The following BCO2 variants were observed in gnomAD, a reference collection of about 807,000 sequenced individuals.
The protein encoded by BCO2 is beta-carotene oxygenase 2.
A neutral mutation model predicts 65.8 loss-of-function variants in BCO2; 56 were observed. The ratio of observed to expected loss-of-function variants is 0.85; its 90% CI spans 0.69 to 1.06. BCO2 has a LOEUF of 1.06. Ranked by LOEUF, BCO2 falls within the 50% of genes least tolerant of loss-of-function variation. BCO2 has a pLI of 0.00. For synonymous variants in BCO2, 233 were observed against 242.3 expected, an observed-to-expected ratio of 0.96 and a Z score of 0.36; for missense variants, 675 against 698.5, an observed-to-expected ratio of 0.97 and a Z score of 0.38.
At chr11:112,207,936 T>G (rs1859392806) in intron 8 of BCO2, among the ~76,000 whole-genome samples, 1 of 147,980 alleles carries the variant, frequency 6.8e-6, no homozygotes, top group African/African-American at 2.5e-5. Context: ...GCTTTCATTT[T>G]ATGTTAGTGT....
rs780457367 is a variant in BCO2 at position 112,216,301 on chromosome 11, A to G, written c.1597A>G (p.Ile533Val). The G allele has an allele frequency of 4.3e-6, 7 of 1,613,956 alleles. No homozygotes were observed. In the African/African-American group the frequency reaches 9.3e-5, roughly 22 times the overall value. The change falls in exon 11 of 12, where the codon ATT becomes GTT. Residue 533 changes from isoleucine (I) to valine (V), a missense_variant. Ile to Val is a conservative substitution (Grantham distance 29). Coordinates refer to ENST00000357685, the MANE Select transcript of BCO2 (RefSeq NM_031938.7). ...PGTNEEDGGV[I>V]LSVVITPNQN... Reference sequence around the variant, plus strand: ...AACCAATGAAGAAGATGGTGGGGTTATTCTTTCTGTGGTGATCACTCCCAA... The same window carrying G: ...AACCAATGAAGAAGATGGTGGGGTTGTTCTTTCTGTGGTGATCACTCCCAA...
At chr11:112,216,118 A>G in intron 10 of BCO2, 102 bp from the exon 11 acceptor site, 1 of 789,822 alleles carries the variant, frequency 1.3e-6, no homozygotes, top group Non-Finnish European at 2.2e-6. Flanking sequence ...ACACACATCC[A>G]AACTACATCA....
chr11:112,201,383 C>T (rs895234954), intron 7 of BCO2, among the ~76,000 whole-genome samples: 3 of 151,926 alleles, frequency 2.0e-5, no homozygotes, highest in Admixed American at 6.6e-5. Context: ...CTCTTGACCT[C>T]GTGATCCACC....
intron 2 of BCO2, among the ~76,000 whole-genome samples, chr11:112,186,381 T>C (rs1867201311): frequency 6.6e-6 from 1 of 152,018 alleles, no homozygotes; most frequent in Non-Finnish European, 1.5e-5. Flanking sequence ...GAGCCAGTGG[T>C]GGGCATTTAT....
chr11:112,198,905 A>G (rs1434905967), intron 5 of BCO2, among the ~76,000 whole-genome samples: 1 of 149,558 alleles, frequency 6.7e-6, no homozygotes, highest in African/African-American at 2.5e-5. Context: ...TGACCTGTCT[A>G]TTCACCATAC....
At chr11:112,185,572 C>T (rs918809006) in intron 2 of BCO2, among the ~76,000 whole-genome samples, 12 of 152,138 alleles carry the variant, frequency 7.9e-5, no homozygotes, top group African/African-American at 2.7e-4. Flanking sequence ...GTATTTCCTG[C>T]CAGTTTTCCT....
intron 8 of BCO2, among the ~76,000 whole-genome samples, chr11:112,205,730 A>T (rs1220856210): frequency 6.6e-6 from 1 of 151,784 alleles, no homozygotes; most frequent in Non-Finnish European, 1.5e-5. Flanking sequence ...AGTAGCTGGG[A>T]TTACAGGTGC....
rs1463727003 is a variant in BCO2, at chr11:112,217,951, T to C, written c.*77T>C. ...ACATAAAGACTGGAGAAATAAACAC[T>C]GAGGACTCCAAAAGGGGGGCAAGGA... On this transcript the variant is annotated 3_prime_UTR_variant, in exon 12 of 12. Transcript: ENST00000357685. 1 of 1,059,336 alleles carries C rather than the reference T, an allele frequency of 9.4e-7. No individual in the cohort carries two copies. The allele number at this position is 1,059,336 out of a possible 1,614,324, so 65.6% of individuals were successfully genotyped here. A position where few individuals can be genotyped will look rare whatever the true frequency, so the allele number is the denominator to read the frequency against.
intron 8 of BCO2, among the ~76,000 whole-genome samples, chr11:112,208,422 T>TC (rs1859410374): frequency 6.6e-6 from 1 of 151,030 alleles, no homozygotes; most frequent in African/African-American, 2.4e-5. Context: ...TATATTGGCT[T>TC]TTTTTTTTTT....
At chr11:112,196,941 C>T (rs1256976536) in intron 5 of BCO2, among the ~76,000 whole-genome samples, 1 of 149,122 alleles carries the variant, frequency 6.7e-6, no homozygotes, top group African/African-American at 2.5e-5. Flanking sequence ...CCTTCCCTTC[C>T]CTTCCCTTCC....
At chr11:112,197,303 C>A (rs983157890) in intron 5 of BCO2, among the ~76,000 whole-genome samples, 7 of 152,140 alleles carry the variant, frequency 4.6e-5, no homozygotes, top group African/African-American at 1.7e-4. Context: ...AATTCCAGCA[C>A]TTTGGGAGGC....
In BCO2 at chr11:112,194,546, A is replaced by G. The variant is rs1566781133; in HGVS notation, c.634-107A>G. 3.8e-5 allele frequency: 27 copies of G among 704,462 alleles called. No individual in the cohort carries two copies. The South Asian group carries it at 4.4e-4, about 11-fold the overall frequency. 43.6% of individuals were successfully genotyped at this position (704,462 alleles called of 1,614,324 possible). ...TCAGAGGCAAGAAATTAGGGCTTAC[A>G]TTGCAGTTTTCTTATCATATTTTTA... On this transcript the variant is annotated intron_variant, in intron 4 of 11. Transcript: ENST00000357685.
intron 3 of BCO2, 60 bp from the exon 4 acceptor site, chr11:112,193,819 G>A (rs2135369870): frequency 6.9e-7 from 1 of 1,456,492 alleles, no homozygotes; most frequent in Non-Finnish European, 9.6e-7. Context: ...CTTTGAGTGT[G>A]TGCTTAGCGT....
In BCO2 at chr11:112,197,547, C is replaced by CA. The variant is rs67238692; in HGVS notation, c.737-2137dup. 1.7e-3 allele frequency among the ~76,000 whole-genome samples: 236 copies of CA among 141,838 alleles called. 1 individual carries two copies. Among genetic ancestry groups the CA allele is most frequent in the African/African-American group, 4.9e-3 (190 of 39,006 alleles). 93.1% of individuals were successfully genotyped at this position (141,838 alleles called of 152,430 possible). ...TGAGTGACAGAGTAAGACCCTGTCT[C>CA]AAAAAAAAAAAAAAAGAAGTAATTT... On this transcript the variant is annotated intron_variant, in intron 5 of 11. Coordinates refer to ENST00000357685, the MANE Select transcript of BCO2 (RefSeq NM_031938.7).
chr11:112,187,826 C>G (rs1321873433), intron 2 of BCO2, among the ~76,000 whole-genome samples: 1 of 151,624 alleles, frequency 6.6e-6, no homozygotes, highest in Non-Finnish European at 1.5e-5. Context: ...AATTCAAACC[C>G]TTGTTCTGTC....
intron 2 of BCO2, among the ~76,000 whole-genome samples, chr11:112,191,038 T>C (rs1383633523): frequency 1.3e-5 from 2 of 151,152 alleles, no homozygotes; most frequent in African/African-American, 2.4e-5. Context: ...GCAGTAATAC[T>C]ACATTGGAAA....
At chr11:112,198,858 CTTTT>C (rs34582291) in intron 5 of BCO2, among the ~76,000 whole-genome samples, 1 of 145,342 alleles carries the variant, frequency 6.9e-6, no homozygotes, top group Admixed American at 6.8e-5. Context: ...TGGCTGCTAT[CTTTT>C]TTTTTTTTTT....
chr11:112,205,453 A>AT (rs1566792576), intron 8 of BCO2, among the ~76,000 whole-genome samples: 3 of 151,912 alleles, frequency 2.0e-5, no homozygotes, highest in African/African-American at 4.8e-5. Flanking sequence ...ATTTTATTTT[A>AT]TTTTTTATTT....
intron 5 of BCO2, among the ~76,000 whole-genome samples, chr11:112,196,647 GT>G (rs1436876801): frequency 6.6e-6 from 1 of 152,054 alleles, no homozygotes; most frequent in Non-Finnish European, 1.5e-5. Context: ...TATGTAGTGG[GT>G]TCTCAAAACA....
Sources: allele counts gnomAD v4.1 joint callset (sites outside exome capture counted in the v4.1 genomes callset), GRCh38; gene constraint gnomAD v4.1.1; transcripts MANE v1.5; gene names NCBI Gene and HGNC (gene_info 2026-07-23, HGNC 2026-07-21).